Variants in SCAPER observed in about 807,000 individuals in gnomAD.
SCAPER encodes S-phase cyclin A associated protein in the ER.
Under a neutral mutation model 182.2 loss-of-function variants are expected in SCAPER, and 98 were observed. The observed-to-expected ratio is 0.54, with a 90% CI of 0.46 to 0.64. The LOEUF is 0.64. Among genes scored for constraint, SCAPER ranks in the 30% least tolerant of loss-of-function variants. SCAPER has a pLI of 0.00. For synonymous variants in SCAPER, 605 were observed against 564.6 expected (o/e 1.07, Z -1.01); for missense variants, 1,432 against 1,690.0 (o/e 0.85, Z 2.68).
At chr15:76,716,699 T>A (rs2059904044) in intron 17 of SCAPER, among the ~76,000 whole-genome samples, 2 of 149,982 alleles carry the variant, frequency 1.3e-5, no homozygotes, top group African/African-American at 2.5e-5. Context: ...GCAGACTAGA[T>A]CAAGCAGAAG....
intron 23 of SCAPER, among the ~76,000 whole-genome samples, chr15:76,550,086 G>C: frequency 6.6e-6 from 1 of 151,972 alleles, no homozygotes; most frequent in South Asian, 2.1e-4. Flanking sequence ...GAATGTATAA[G>C]GAACTCAAAT....
At chr15:76,757,078 T>C (rs1305637325) in intron 14 of SCAPER, among the ~76,000 whole-genome samples, 1 of 152,226 alleles carries the variant, frequency 6.6e-6, no homozygotes, top group Non-Finnish European at 1.5e-5. Flanking sequence ...TTTCCTCTTC[T>C]AATCAGTTTA....
intron 20 of SCAPER, among the ~76,000 whole-genome samples, chr15:76,697,968 TC>T (rs2058739311): frequency 6.6e-6 from 1 of 151,946 alleles, no homozygotes; most frequent in Non-Finnish European, 1.5e-5. Context: ...GGAAAGAATA[TC>T]CTTTACAATG....
At chr15:76,351,162 G>C in intron 31 of SCAPER, 75 bp downstream of exon 31, 1 of 1,306,348 alleles carries the variant, frequency 7.7e-7, no homozygotes, top group Middle Eastern at 1.8e-4. Flanking sequence ...TAATGTAGCA[G>C]TTCCAGAGGA....
intron 4 of SCAPER, among the ~76,000 whole-genome samples, chr15:76,844,595 T>C (rs2069852289): frequency 6.6e-6 from 1 of 152,102 alleles, no homozygotes; most frequent in South Asian, 2.1e-4. Flanking sequence ...AACTATATGC[T>C]AATAAATTGG....
chr15:76,582,025 A>T (rs2145518057), intron 22 of SCAPER, among the ~76,000 whole-genome samples: 1 of 152,360 alleles, frequency 6.6e-6, no homozygotes, highest in Non-Finnish European at 1.5e-5. Flanking sequence ...AGAAATGCTA[A>T]AAGCCTTTCC....
At chr15:76,596,909 T>C (rs961965007) in intron 22 of SCAPER, among the ~76,000 whole-genome samples, 1 of 122,030 alleles carries the variant, frequency 8.2e-6, no homozygotes, top group African/African-American at 2.5e-5. Flanking sequence ...AAGACAAGGA[T>C]GCCCTCTCTC....
Position 76,845,352 on chromosome 15 carries a change from T to C in SCAPER, c.196-3421A>G, listed in dbSNP as rs571818044. Among the ~76,000 whole-genome samples, 8 of 152,170 alleles carry C rather than the reference T, an allele frequency of 5.3e-5. No homozygotes were observed. The East Asian group carries it at 1.5e-3, about 29-fold the overall frequency. ...CTTTCACCACTGTTATTCAAAACAG[T>C]ACGTACTGGAAGTCCTACTTAGAGC... On this transcript the variant is annotated intron_variant, in intron 4 of 31. Transcript: ENST00000563290.
chr15:76,449,210 T>C (rs1252983133), intron 25 of SCAPER, among the ~76,000 whole-genome samples: 1 of 152,236 alleles, frequency 6.6e-6, no homozygotes, highest in African/African-American at 2.4e-5. Flanking sequence ...AAATACATGA[T>C]TTTAGAAAAA....
Position 76,826,258 on chromosome 15 carries a change from T to C in SCAPER, c.393+15476A>G, listed in dbSNP as rs546799207. ...TAAAAAATGATGAGTTCATGTCCTT[T>C]GTAGGGACATGGATGAAATTGGAAA... is the stretch of plus-strand genomic sequence containing the variant. On this transcript the variant is annotated intron_variant, in intron 5 of 31. Transcript: ENST00000563290. Among the ~76,000 whole-genome samples, 519 of 151,910 alleles carry C rather than the reference T, an allele frequency of 3.4e-3. 4 individuals carry two copies. Among genetic ancestry groups the C allele is most frequent in the African/African-American group, 0.012 (481 of 41,390 alleles).
intron 28 of SCAPER, chr15:76,380,042 G>T (rs1269764625): frequency 3.3e-5 from 5 of 152,204 alleles, no homozygotes; most frequent in African/African-American, 9.7e-5. Context: ...GTTAACAAAA[G>T]AAATCACTCC....
intron 8 of SCAPER, among the ~76,000 whole-genome samples, chr15:76,786,909 G>C (rs745313170): frequency 2.0e-5 from 3 of 152,076 alleles, no homozygotes; most frequent in South Asian, 2.1e-4. Context: ...AAATGAAATA[G>C]TTATAAGTCC....
At chr15:76,881,181 C>T (rs1012378276) in intron 2 of SCAPER, among the ~76,000 whole-genome samples, 1 of 152,162 alleles carries the variant, frequency 6.6e-6, no homozygotes, top group African/African-American at 2.4e-5. Flanking sequence ...CTGCAACCTC[C>T]GCCTCCTGGG....
intron 4 of SCAPER, among the ~76,000 whole-genome samples, chr15:76,854,073 A>G (rs1233872769): frequency 6.6e-6 from 1 of 151,984 alleles, no homozygotes; most frequent in Non-Finnish European, 1.5e-5. Context: ...GATCGAGACC[A>G]CCCTGGCCAA....
intron 20 of SCAPER, among the ~76,000 whole-genome samples, chr15:76,694,936 G>A (rs1284990100): frequency 6.6e-6 from 1 of 151,688 alleles, no homozygotes; most frequent in Non-Finnish European, 1.5e-5. Context: ...TTGCTGTAAA[G>A]GAAAAAACCA....
At chr15:76,815,044 A>T (rs1220697070) in intron 5 of SCAPER, among the ~76,000 whole-genome samples, 1 of 49,480 alleles carries the variant, frequency 2.0e-5, no homozygotes, top group East Asian at 8.1e-4. Flanking sequence ...TGGAAATGCA[A>T]ATTAAAACAA....
At position 76,836,285 on chromosome 15, in the gene SCAPER, C is replaced by A. The variant is rs373737212; in HGVS notation, c.393+5449G>T. 3.9e-5 allele frequency among the ~76,000 whole-genome samples: 6 copies of A among 152,190 alleles called. No individual in the cohort carries two copies. In the South Asian group the frequency reaches 1.2e-3, roughly 32 times the overall value. ...CCAAAGCAATCCTAAGCAAAAAGAA[C>A]AAAGCTGGAGGCAGAACACTACTCC... On this transcript the variant is annotated intron_variant, in intron 5 of 31. Transcript: ENST00000563290.
At chr15:76,771,664 T>C (rs1034862899) in intron 10 of SCAPER, 78 bp downstream of exon 10, 25 of 977,014 alleles carry the variant, frequency 2.6e-5, no homozygotes, top group Middle Eastern at 2.2e-4. Context: ...TCATACAAGT[T>C]ATTATTATTG....
At chr15:76,885,482 T>C (rs141093384) in intron 1 of SCAPER, among the ~76,000 whole-genome samples, 72 of 152,300 alleles carry the variant, frequency 4.7e-4, no homozygotes, top group African/African-American at 1.6e-3. Flanking sequence ...ATAACATTCA[T>C]TCATTCATTC....
Sources: gnomAD v4.1 joint callset for allele counts (sites outside exome capture counted in the v4.1 genomes callset) on GRCh38, gnomAD v4.1.1 for gene constraint, MANE v1.5 for transcripts, NCBI Gene and HGNC (gene_info 2026-07-23, HGNC 2026-07-21) for gene names.